RBMS3: variants seen among roughly 807,000 people sequenced by gnomAD.
The protein encoded by RBMS3 is RNA-binding motif, single-stranded-interacting protein 3.
In RBMS3, 27 loss-of-function variants were observed where a neutral mutation model predicts 66.8. The ratio of observed to expected loss-of-function variants is 0.40; its 90% CI spans 0.30 to 0.56. The LOEUF (loss-of-function observed/expected upper bound fraction) is 0.56. Among genes scored for constraint, RBMS3 ranks in the 20% least tolerant of loss-of-function variants. The pLI, the probability that RBMS3 is intolerant of heterozygous loss-of-function variation, is 0.40. For missense variants in RBMS3, 513 were observed against 549.5 expected, an observed-to-expected ratio of 0.93 and a Z score of 0.66; for synonymous variants, 188 against 183.0, an observed-to-expected ratio of 1.03 and a Z score of -0.22.
chr3:29,921,486 C>A (rs1427837959), intron 10 of RBMS3, among the ~76,000 whole-genome samples: 1 of 92,690 alleles, frequency 1.1e-5, no homozygotes, highest in Non-Finnish European at 2.0e-5. Context: ...AACTGACAGA[C>A]TGTTTGGCAG....
At chr3:29,836,034 A>G (rs908392510) in intron 6 of RBMS3, among the ~76,000 whole-genome samples, 27 of 151,972 alleles carry the variant, frequency 1.8e-4, no homozygotes, top group Non-Finnish European at 2.8e-4. Flanking sequence ...AAAAATTCCT[A>G]GAAACAAACA....
chr3:29,351,502 T>C (rs2036910985), intron 1 of RBMS3, among the ~76,000 whole-genome samples: 1 of 152,130 alleles, frequency 6.6e-6, no homozygotes, highest in Non-Finnish European at 1.5e-5. Context: ...TCTACTTCAT[T>C]ACAAAGGAGG....
intron 2 of RBMS3, among the ~76,000 whole-genome samples, chr3:29,439,423 G>A (rs1212583068): frequency 6.6e-6 from 1 of 152,078 alleles, no homozygotes; most frequent in Non-Finnish European, 1.5e-5. Context: ...GGTGTGAGAA[G>A]TAATATTAGT....
chr3:29,566,634 CAAAAA>C (rs11445860), intron 3 of RBMS3, among the ~76,000 whole-genome samples: 2,346 of 119,928 alleles, frequency 0.02, 28 homozygotes, highest in Admixed American at 0.045. Flanking sequence ...AAGCAAAATG[CAAAAA>C]AAAAAAAAAA....
chr3:29,597,055 T>G (rs2047969738), intron 4 of RBMS3, among the ~76,000 whole-genome samples: 1 of 152,200 alleles, frequency 6.6e-6, no homozygotes, highest in South Asian at 2.1e-4. Flanking sequence ...ACATCTTTGT[T>G]TCTTCAGAAA....
At chr3:29,428,421 A>G (rs902151175) in intron 1 of RBMS3, among the ~76,000 whole-genome samples, 2 of 152,116 alleles carry the variant, frequency 1.3e-5, no homozygotes, top group Non-Finnish European at 2.9e-5. Context: ...AAGGTTTAAA[A>G]TTATCTGGCT....
chr3:29,959,268 A>G (rs1317924578), intron 12 of RBMS3, among the ~76,000 whole-genome samples: 2 of 152,268 alleles, frequency 1.3e-5, no homozygotes, highest in East Asian at 3.9e-4. Context: ...TCTTTCCCAC[A>G]TCACAGGATT....
intron 3 of RBMS3, among the ~76,000 whole-genome samples, chr3:29,501,312 TA>T (rs1288312480): frequency 6.6e-6 from 1 of 152,200 alleles, no homozygotes; most frequent in African/African-American, 2.4e-5. Flanking sequence ...CAGGTCAGTC[TA>T]TATTTCCACT....
chr3:29,654,273 A>C (rs2050243877), intron 4 of RBMS3, among the ~76,000 whole-genome samples: 1 of 152,196 alleles, frequency 6.6e-6, no homozygotes, highest in Non-Finnish European at 1.5e-5. Flanking sequence ...TTTGGTGATG[A>C]AAGAATCTAG....
chr3:29,760,248 A>C (rs2055612605), intron 5 of RBMS3, among the ~76,000 whole-genome samples: 1 of 144,096 alleles, frequency 6.9e-6, no homozygotes, highest in Admixed American at 7.1e-5. Context: ...TATTATGTAG[A>C]ATAAACACAC....
chr3:29,456,139 A>C (rs1282497809), intron 2 of RBMS3, among the ~76,000 whole-genome samples: 1 of 152,208 alleles, frequency 6.6e-6, no homozygotes, highest in Non-Finnish European at 1.5e-5. Context: ...AATCCAAATT[A>C]AGTGTGTCAT....
In RBMS3 at chr3:30,009,706, C is replaced by G. The variant is rs2125414319; in HGVS notation, c.*5844C>G. The G allele has an allele frequency of 6.6e-6, 1 of 152,220 alleles. No homozygotes were observed. Among genetic ancestry groups the G allele is most frequent in the East Asian group, 1.9e-4 (1 of 5,178 alleles). The allele number at this position is 152,220 out of a possible 1,614,324, so 9.4% of individuals were successfully genotyped here. On this transcript the variant is annotated 3_prime_UTR_variant, in exon 15 of 15. Coordinates refer to ENST00000383767, the MANE Select transcript of RBMS3 (RefSeq NM_001003793.3). ...TTGCATTGTTTTCATTACATTTTGA[C>G]TGCGTTACTTATTAAGGCCGAATGA...
At chr3:29,470,969 T>C (rs1302185539) in intron 2 of RBMS3, among the ~76,000 whole-genome samples, 4 of 152,192 alleles carry the variant, frequency 2.6e-5, no homozygotes, top group African/African-American at 9.6e-5. Flanking sequence ...TAACTTGCCC[T>C]GATAAAATTT....
chr3:29,836,246 T>A (rs1413192326), intron 6 of RBMS3, among the ~76,000 whole-genome samples: 1 of 152,106 alleles, frequency 6.6e-6, no homozygotes, highest in Non-Finnish European at 1.5e-5. Context: ...GAGGATGATG[T>A]ATGTCCAAAC....
At chr3:29,779,979 G>C (rs2056571277) in intron 6 of RBMS3, among the ~76,000 whole-genome samples, 1 of 151,388 alleles carries the variant, frequency 6.6e-6, no homozygotes, top group African/African-American at 2.4e-5. Flanking sequence ...AAGTAATAAT[G>C]GGGGTAAAAA....
intron 4 of RBMS3, among the ~76,000 whole-genome samples, chr3:29,595,789 C>T (rs2047924456): frequency 6.6e-6 from 1 of 152,144 alleles, no homozygotes; most frequent in Non-Finnish European, 1.5e-5. Flanking sequence ...ATGAATCTTT[C>T]AATAGCGAAT....
Position 29,337,907 on chromosome 3 carries a change from A to T in RBMS3, c.75+56151A>T, listed in dbSNP as rs553578183. Among the ~76,000 whole-genome samples the T allele has an allele frequency of 5.9e-5, 9 of 152,302 alleles. No homozygotes were observed. In the South Asian group the frequency reaches 1.7e-3, roughly 28 times the overall value. On this transcript the variant is annotated intron_variant, in intron 1 of 14. Coordinates refer to ENST00000383767, the MANE Select transcript of RBMS3 (RefSeq NM_001003793.3). ...TGCAAAATGATTTCTGGTAATTATA[A>T]TTTAGGAAAAAGCAGGTCACTTGGA... is the stretch of plus-strand genomic sequence containing the variant.
Position 29,739,876 on chromosome 3 carries a change from A to C in RBMS3, c.556A>C (p.Arg186=), listed in dbSNP as rs779504016. ...AGTCAGCAGAGGTGTTGGCTTTGCC[A>C]GGTAAAATTCTTTCTTTGTATGTAA... is the stretch of plus-strand genomic sequence containing the variant. ...NGVSRGVGFA[R]MESTEKCEVV... Residue 186 remains arginine (R), a splice_region_variant and synonymous_variant, in exon 5 of 15, where the codon AGA becomes CGA. Transcript: ENST00000383767. 6 of 1,566,304 alleles carry C rather than the reference A, an allele frequency of 3.8e-6. No individual in the cohort carries two copies. Among genetic ancestry groups the C allele is most frequent in the Non-Finnish European group, 1.7e-6 (2 of 1,160,100 alleles).
At chr3:29,886,331 C>A (rs114457663) in intron 8 of RBMS3, among the ~76,000 whole-genome samples, 1 of 151,738 alleles carries the variant, frequency 6.6e-6, no homozygotes, top group African/African-American at 2.4e-5. Context: ...GTTAATATCC[C>A]ATTTACAGAT....
Sources: gnomAD v4.1 joint callset for allele counts (sites outside exome capture counted in the v4.1 genomes callset) on GRCh38, gnomAD v4.1.1 for gene constraint, MANE v1.5 for transcripts, NCBI Gene and HGNC (gene_info 2026-07-23, HGNC 2026-07-21) for gene names.